Variants in RTEL1 observed in about 807,000 individuals in gnomAD.
RTEL1 encodes the protein regulator of telomere elongation helicase 1.
RTEL1 carries 86 observed loss-of-function variants against 162.2 expected under a neutral mutation model. The ratio of observed to expected loss-of-function variants is 0.53; its 90% CI spans 0.45 to 0.63. The LOEUF is 0.63. Among genes scored for constraint, RTEL1 ranks in the 30% least tolerant of loss-of-function variants. RTEL1 has a pLI of 0.00. For missense variants in RTEL1, 1,941 were observed against 1,750.2 expected, an observed-to-expected ratio of 1.11 and a Z score of -1.95; for synonymous variants, 958 against 717.9, an observed-to-expected ratio of 1.33 and a Z score of -5.35.
intron 26 of RTEL1, 141 bp downstream of exon 26, chr20:63,690,582 C>T (rs1276588793): frequency 1.6e-6 from 2 of 1,236,924 alleles, no homozygotes; most frequent in Non-Finnish European, 2.2e-6. Context: ...CTGCCTCTCC[C>T]TCCTAGGGCA....
rs1366338723 is a variant in RTEL1 at position 63,674,049 on chromosome 20, A to G, written c.875A>G (p.Gln292Arg). The change falls in exon 10 of 35, where the codon CAG becomes CGG. Residue 292 changes from glutamine to arginine, a missense_variant. Coordinates refer to ENST00000360203, the MANE Select transcript of RTEL1 (RefSeq NM_001283009.2). Reference sequence around the variant, plus strand: ...GAGGAGCAGACCAAGGCAGCGCAGCAGGGTGAGCCCCACCCGGAGTTCAGC... The same window carrying G: ...GAGGAGCAGACCAAGGCAGCGCAGCGGGGTGAGCCCCACCCGGAGTTCAGC... ...VLEEQTKAAQ[Q>R]GEPHPEFSAD... 2.5e-6 allele frequency: 4 copies of G among 1,613,796 alleles called. No individual in the cohort carries two copies. Among genetic ancestry groups the G allele is most frequent in the East Asian group, 4.5e-5 (2 of 44,890 alleles).
At chr20:63,674,849 G>A (rs75667187) in intron 10 of RTEL1, among the ~76,000 whole-genome samples, 4,886 of 152,184 alleles carry the variant, frequency 0.032, 97 homozygotes, top group Non-Finnish European at 0.05. Flanking sequence ...CGCTAGTCAC[G>A]GCATACGTGG....
rs896374391 is a variant in RTEL1 at position 63,686,236 on chromosome 20, G to A, written c.1348+364G>A. ...TGCTGCCTCCACGCAGCGCCTGGCCGGGCCAAGCCTCAGGGTCACATCTGA... is the reference window on the plus strand; with the variant it reads ...TGCTGCCTCCACGCAGCGCCTGGCCAGGCCAAGCCTCAGGGTCACATCTGA... On this transcript the variant is annotated intron_variant, in intron 16 of 34. Transcript: ENST00000360203. 5.4e-5 allele frequency: 18 copies of A among 332,780 alleles called. 1 individual carries two copies. Among genetic ancestry groups the A allele is most frequent in the South Asian group, 5.2e-4 (18 of 34,580 alleles). The allele number at this position is 332,780 out of a possible 1,614,324, so 20.6% of individuals were successfully genotyped here.
chr20:63,668,965 A>AGCTGT lies in RTEL1; in HGVS notation c.699+1416_699+1417insTGCTG, dbSNP rs1359398046. On this transcript the variant is annotated intron_variant, in intron 8 of 34. Coordinates refer to ENST00000360203, the MANE Select transcript of RTEL1 (RefSeq NM_001283009.2). This position sits in a 1 kb window ranked among gnomAD's most constrained non-coding sequence, Gnocchi z 4.3. ...GGCCATGGAGAAGGCAGCAAGCTCA[A>AGCTGT]GCTGACCCACACGCATGTGGTCATT... Among the ~76,000 whole-genome samples the AGCTGT allele has an allele frequency of 6.6e-6, 1 of 152,126 alleles. No homozygotes were observed. The highest frequency in any genetic ancestry group is 1.9e-4 in the East Asian group (1 of 5,202).
intron 9 of RTEL1, 130 bp downstream of exon 9, chr20:63,672,751 C>G (rs1036839186): frequency 2.6e-6 from 2 of 756,358 alleles, no homozygotes; most frequent in Non-Finnish European, 4.6e-6. Context: ...GGGGACTGAG[C>G]ACACCAGGAG....
intron 7 of RTEL1, among the ~76,000 whole-genome samples, chr20:63,667,124 C>A (rs554112000): frequency 1.3e-5 from 2 of 152,294 alleles, no homozygotes; most frequent in East Asian, 1.9e-4. Flanking sequence ...CAGGAGTGAG[C>A]CACCGCGCCC....
intron 31 of RTEL1, 33 bp from the exon 32 acceptor site, chr20:63,694,708 G>A (rs1296554035): frequency 6.5e-7 from 1 of 1,541,754 alleles, no homozygotes; most frequent in Non-Finnish European, 8.8e-7. Context: ...CTCCACCCCA[G>A]CGCCACTCTG....
At position 63,695,884 on chromosome 20, in the gene RTEL1, C is replaced by G; in HGVS notation, c.*26C>G. On this transcript the variant is annotated 3_prime_UTR_variant, in exon 35 of 35. Coordinates refer to ENST00000360203, the MANE Select transcript of RTEL1 (RefSeq NM_001283009.2). The stretch of plus-strand genomic sequence containing the variant: ...GTGCCCACGGAGGCCCCCAGCACAC[C>G]CAACGTGGCTTGATCACCTGCCTGT... 3 of 1,556,490 alleles carry G rather than the reference C, an allele frequency of 1.9e-6. No individual in the cohort carries two copies. In the South Asian group the frequency reaches 3.5e-5, roughly 18 times the overall value.
chr20:63,680,591 C>T (rs1395710684), intron 13 of RTEL1, 73 bp from the exon 14 acceptor site: 2 of 1,536,492 alleles, frequency 1.3e-6, no homozygotes, highest in African/African-American at 1.4e-5. Flanking sequence ...CGGGCTCATG[C>T]TGGAAGGGCC....
chr20:63,684,489 G>T (rs970563590), intron 14 of RTEL1, among the ~76,000 whole-genome samples: 4 of 152,160 alleles, frequency 2.6e-5, no homozygotes, highest in African/African-American at 9.7e-5. Flanking sequence ...AAATACCTGG[G>T]ATTATAGGCA....
rs2090161521 is a variant in RTEL1, at chr20:63,667,560, G to T, written c.699+7G>T. 6.2e-7 allele frequency: 1 copy of T among 1,611,146 alleles called. No homozygotes were observed. Among genetic ancestry groups the T allele is most frequent in the Non-Finnish European group, 8.5e-7 (1 of 1,177,396 alleles). ...TTACTTGTTGGATGCCAAGGTGGGGGCTCAGTCCTGTAGCTGACGACTCCT... is the reference window on the plus strand; with the variant it reads ...TTACTTGTTGGATGCCAAGGTGGGGTCTCAGTCCTGTAGCTGACGACTCCT... On this transcript the variant is annotated splice_region_variant and intron_variant, in intron 8 of 34. Transcript: ENST00000360203.
At position 63,695,816 on chromosome 20, in the gene RTEL1, G is replaced by A. The variant is rs753235573; in HGVS notation, c.3861G>A (p.Arg1287=). 6.2e-6 allele frequency: 10 copies of A among 1,600,410 alleles called. No homozygotes were observed. Among genetic ancestry groups the A allele is most frequent in the Middle Eastern group, 3.8e-4 (2 of 5,318 alleles). Residue 1287 remains arginine (R), a synonymous_variant, in exon 35 of 35, where the codon AGG becomes AGA. Transcript: ENST00000360203. ...RMCPACHTAS[R]KQSVMQVFWP... is the part of the protein sequence containing the mutation. ...GCCCAGCCTGCCACACCGCCTCCAG[G>A]AAGCAGAGCGTCATGCAGGTCTTCT...
In RTEL1 at chr20:63,690,153, C is replaced by T. The variant is rs1466033531; in HGVS notation, c.2208C>T (p.Asp736=). Reference sequence around the variant, plus strand: ...TGCGTCCCCACGTCAGGGTGTATGACAACTTTGGCCATGTCATCCGAGACG... The same window carrying T: ...TGCGTCCCCACGTCAGGGTGTATGATAACTTTGGCCATGTCATCCGAGACG... ...SWVRPHVRVY[D]NFGHVIRDVA... Residue 736 remains aspartate, a synonymous_variant, in exon 25 of 35, where the codon GAC becomes GAT. Coordinates refer to ENST00000360203, the MANE Select transcript of RTEL1 (RefSeq NM_001283009.2). 8 of 1,612,614 alleles carry T rather than the reference C, an allele frequency of 5.0e-6. No homozygotes were observed. Among genetic ancestry groups the T allele is most frequent in the African/African-American group, 1.3e-5 (1 of 75,056 alleles).
At chr20:63,670,963 C>T (rs1219756403) in intron 8 of RTEL1, among the ~76,000 whole-genome samples, 1 of 152,206 alleles carries the variant, frequency 6.6e-6, no homozygotes, top group East Asian at 1.9e-4. Flanking sequence ...TAACAGCAGC[C>T]ACGGGCGTGG....
Position 63,661,438 on chromosome 20 carries a change from C to A in RTEL1, c.243C>A (p.Phe81Leu). The change falls in exon 3 of 35, where the codon TTC (phenylalanine) becomes TTA (leucine). Residue 81 changes from phenylalanine to leucine, a missense_variant. By Grantham distance (22) the Phe-to-Leu change is conservative (BLOSUM62 0). Coordinates refer to ENST00000360203, the MANE Select transcript of RTEL1 (RefSeq NM_001283009.2). The surrounding 1 kb of genome is among the most constrained non-coding windows in gnomAD (Gnocchi z 5.1). ...KIAERAQGEL[F>L]PDRALSSWGN... ...CCGAGAGGGCGCAAGGAGAGCTTTT[C>A]CCGGATCGGGCCTTGTCATCCTGGG... 6.2e-7 allele frequency: 1 copy of A among 1,613,754 alleles called. No individual in the cohort carries two copies. The highest frequency in any genetic ancestry group is 8.5e-7 in the Non-Finnish European group (1 of 1,180,034).
In RTEL1 at chr20:63,688,534, G is replaced by A. The variant is rs371161995; in HGVS notation, c.1729G>A (p.Asp577Asn). ...CTGCCTCTTCCTCCCACAGGCCCGC[G>A]ACTTGGCCAGGAAGATGGAGGCGCT... Reference protein sequence around the residue: ...EKSLEFWRARDLARKMEALKP... With the variant: ...EKSLEFWRARNLARKMEALKP... Residue 577 changes from aspartate (D) to asparagine (N), a missense_variant, in exon 21 of 35, where the codon GAC (aspartate) becomes AAC (asparagine). Physicochemically the swap from Asp to Asn is conservative, Grantham distance 23. Transcript: ENST00000360203. 2.9e-5 allele frequency: 46 copies of A among 1,610,404 alleles called. No individual in the cohort carries two copies. The highest frequency in any genetic ancestry group is 1.7e-4 in the Middle Eastern group (1 of 5,814).
At chr20:63,693,895 C>T (rs1403696770) in intron 30 of RTEL1, among the ~76,000 whole-genome samples, 2 of 150,394 alleles carry the variant, frequency 1.3e-5, no homozygotes, top group Admixed American at 1.3e-4. Context: ...ATGCATGGTC[C>T]TGGGGGGTCA....
Position 63,690,325 on chromosome 20 carries a change from C to T in RTEL1, c.2297C>T (p.Pro766Leu). 2 of 1,610,242 alleles carry T rather than the reference C, an allele frequency of 1.2e-6. No individual in the cohort carries two copies. The highest frequency in any genetic ancestry group is 1.7e-6 in the Non-Finnish European group (2 of 1,178,394). ...GCGCCGGCCCCCCGGGCTACAGCAC[C>T]CAGTGTGCGTGGAGAAGATGCTGTC... ...MPAPAPRATA[P>L]SVRGEDAVSE... The change falls in exon 26 of 35, where the codon CCC (proline) becomes CTC (leucine). Residue 766 changes from proline (P) to leucine (L), a missense_variant. By Grantham distance (98) the Pro-to-Leu change is moderately conservative (BLOSUM62 -3). Coordinates refer to ENST00000360203, the MANE Select transcript of RTEL1 (RefSeq NM_001283009.2).
intron 8 of RTEL1, among the ~76,000 whole-genome samples, chr20:63,670,962 C>T (rs1156709054): frequency 6.6e-6 from 1 of 152,228 alleles, no homozygotes; most frequent in African/African-American, 2.4e-5. Context: ...CTAACAGCAG[C>T]CACGGGCGTG....
Sources: gnomAD v4.1 joint callset for allele counts (sites outside exome capture counted in the v4.1 genomes callset) on GRCh38, gnomAD v4.1.1 for gene constraint, Gnocchi (gnomAD v3.1) non-coding constraint, MANE v1.5 for transcripts, NCBI Gene and HGNC (gene_info 2026-07-23, HGNC 2026-07-21) for gene names.